The following MS4A18 variants were observed in gnomAD, a reference collection of about 807,000 sequenced individuals.
The protein encoded by MS4A18 is membrane-spanning 4-domains subfamily A member 18.
In MS4A18, 27 loss-of-function variants were observed where a neutral mutation model predicts 13.1. The ratio of observed to expected loss-of-function variants is 2.06; its 90% CI spans 1.52 to 2.84. The LOEUF is 2.84. MS4A18 is among the 30% of genes most tolerant of loss of function. MS4A18 has a pLI of 0.00. For missense variants in MS4A18, 307 were observed against 196.4 expected, an observed-to-expected ratio of 1.56 and a Z score of -3.37; for synonymous variants, 126 against 76.5, an observed-to-expected ratio of 1.65 and a Z score of -3.38.
At chr11:60,733,436 CT>C (rs1853285597) in intron 1 of MS4A18, 97 bp from the exon 3 acceptor site, 1 of 691,272 alleles carries the variant, frequency 1.4e-6, no homozygotes, top group Non-Finnish European at 2.6e-6. Context: ...CCAATCACCC[CT>C]GGGGTGATTC....
chr11:60,741,249 T>C, intron 5 of MS4A18, 106 bp downstream of exon 6: 1 of 689,724 alleles, frequency 1.4e-6, no homozygotes, highest in Non-Finnish European at 2.7e-6. Flanking sequence ...TGAGAGAGGG[T>C]GTATCAGTTA....
At chr11:60,744,311 G>A (rs1430047178), downstream of MS4A18, 1 of 300,068 alleles carries the variant, frequency 3.3e-6, no homozygotes, top group East Asian at 8.1e-5. Context: ...CTAAATCGGT[G>A]CCTCAGCCAT....
chr11:60,741,087 C>T, exon 5 of MS4A18: 1 of 703,030 alleles, frequency 1.4e-6, no homozygotes, highest in Non-Finnish European at 2.6e-6. Context: ...GGAGTTCATC[C>T]TCACTTGTGT....
chr11:60,734,868 G>A (rs1332091987), intron 2 of MS4A18, among the ~76,000 whole-genome samples: 1 of 149,608 alleles, frequency 6.7e-6, no homozygotes, highest in African/African-American at 2.5e-5. Flanking sequence ...TGTAACCTCT[G>A]CCTCCTGGGT....
chr11:60,724,733 C>A (rs1191032581), upstream of MS4A18, among the ~76,000 whole-genome samples: 1 of 152,204 alleles, frequency 6.6e-6, no homozygotes, highest in East Asian at 1.9e-4. Flanking sequence ...ATTTCTAGAT[C>A]AGGCTGCAGA....
chr11:60,729,216 T>C (rs192671517), upstream of MS4A18: 257 of 622,424 alleles, frequency 4.1e-4, 2 homozygotes, highest in African/African-American at 4.4e-3. Flanking sequence ...CTTATTTTAA[T>C]GAAGATGAAA....
chr11:60,739,810 A>T (rs1853391360), intron 4 of MS4A18, among the ~76,000 whole-genome samples: 1 of 152,224 alleles, frequency 6.6e-6, no homozygotes, highest in African/African-American at 2.4e-5. Flanking sequence ...AGTAACATTG[A>T]CACAGTACTT....
upstream of MS4A18, among the ~76,000 whole-genome samples, chr11:60,729,132 C>T (rs753390561): frequency 8.5e-5 from 13 of 152,252 alleles, no homozygotes; most frequent in Admixed American, 3.3e-4. Context: ...AATCCAAATC[C>T]GTAAAAGGAA....
upstream of MS4A18, among the ~76,000 whole-genome samples, chr11:60,726,272 T>C (rs1853160818): frequency 6.6e-6 from 1 of 152,136 alleles, no homozygotes; most frequent in African/African-American, 2.4e-5. Flanking sequence ...CCAGTGACAG[T>C]TGTTTTTCCT....
chr11:60,734,431 A>G (rs1853305755), intron 2 of MS4A18, among the ~76,000 whole-genome samples: 1 of 152,232 alleles, frequency 6.6e-6, no homozygotes, highest in South Asian at 2.1e-4. Context: ...GGGTATACAT[A>G]CGACATGGAA....
chr11:60,736,386 T>A (rs11820304), intron 2 of MS4A18, among the ~76,000 whole-genome samples: 1 of 151,654 alleles, frequency 6.6e-6, no homozygotes, highest in Admixed American at 6.6e-5. Context: ...AGCCCAGGCC[T>A]CCTCATTTCA....
Position 60,732,670 on chromosome 11 carries a change from G to T in MS4A18, c.478-864G>T, listed in dbSNP as rs117750663. 5.6e-3 allele frequency among the ~76,000 whole-genome samples: 835 copies of T among 148,660 alleles called. 14 individuals are homozygous for T. In the East Asian group the frequency reaches 0.077, roughly 14 times the overall value. ...CACGTGAACCTGGGAGGCACAGCTT[G>T]CAGTGAGCCAAGATCACGCCATTGC... On this transcript the variant is annotated intron_variant, in intron 1 of 5. Coordinates refer to ENST00000529108, the Ensembl canonical transcript of MS4A18.
rs531363170 is a variant in MS4A18, at chr11:60,739,144, A to T, written c.744+147A>T. On this transcript the variant is annotated intron_variant, in intron 4 of 5. Transcript: ENST00000529108. ...CATAAGCTATTTAACCGTCACCAAA[A>T]CCCTGTGCCCTCTGAGGTGGCCATG... 3.9e-5 allele frequency: 24 copies of T among 613,584 alleles called. No individual in the cohort carries two copies. The East Asian group carries it at 6.1e-4, about 15-fold the overall frequency. The allele number at this position is 613,584 out of a possible 1,614,324, so 38.0% of individuals were successfully genotyped here. A position where few individuals can be genotyped will look rare whatever the true frequency, so the allele number is the denominator to read the frequency against.
chr11:60,731,316 G>T (rs1853249639), intron 1 of MS4A18, among the ~76,000 whole-genome samples: 1 of 152,160 alleles, frequency 6.6e-6, no homozygotes, highest in South Asian at 2.1e-4. Flanking sequence ...TTCAAAATTT[G>T]TCAAAACAGA....
chr11:60,738,793 T>C (rs925280617), intron 3 of MS4A18, 109 bp from the exon 5 acceptor site: 12 of 616,434 alleles, frequency 1.9e-5, no homozygotes, highest in Non-Finnish European at 3.2e-5. Flanking sequence ...CCTGGCCAAC[T>C]CTTTTCTGCC....
At chr11:60,732,522 G>T (rs1853270677) in intron 1 of MS4A18, among the ~76,000 whole-genome samples, 1 of 151,916 alleles carries the variant, frequency 6.6e-6, no homozygotes, top group Non-Finnish European at 1.5e-5. Flanking sequence ...GAGGTCAGGA[G>T]ATCGAGACCA....
exon 6 of MS4A18, chr11:60,744,074 C>T: frequency 1.5e-6 from 1 of 646,450 alleles, no homozygotes; most frequent in Non-Finnish European, 2.8e-6. Context: ...CTTTTCTTCT[C>T]CCTGAAACTT....
At chr11:60,743,610 T>C in intron 5 of MS4A18, 40 bp from the exon 7 acceptor site, 1 of 691,746 alleles carries the variant, frequency 1.4e-6, no homozygotes. Flanking sequence ...TGTTGTTTAC[T>C]ACAGAGGAAG....
upstream of MS4A18, among the ~76,000 whole-genome samples, chr11:60,728,735 CT>C (rs1853204880): frequency 6.6e-6 from 1 of 151,640 alleles, no homozygotes; most frequent in East Asian, 1.9e-4. Flanking sequence ...TCCTTCTCTC[CT>C]CTTCTTTTAT....
Sources: gnomAD v4.1 joint callset for allele counts (sites outside exome capture counted in the v4.1 genomes callset) on GRCh38, gnomAD v4.1.1 for gene constraint, MANE v1.5 for transcripts, NCBI Gene and HGNC (gene_info 2026-07-23, HGNC 2026-07-21) for gene names.